BICC1: variants seen among roughly 807,000 people sequenced by gnomAD.
BICC1 encodes the protein protein bicaudal C homolog 1.
A neutral mutation model predicts 111.0 loss-of-function variants in BICC1; 43 were observed. The ratio of observed to expected loss-of-function variants is 0.39; its 90% CI spans 0.30 to 0.50. BICC1 has a LOEUF of 0.50. Ranked by LOEUF, BICC1 falls within the 20% of genes least tolerant of loss-of-function variation. The probability of loss-of-function intolerance (pLI) is 0.88; values close to 1 mark genes in which losing one functional copy is unlikely to be tolerated. For synonymous variants in BICC1, 467 were observed against 434.4 expected, an observed-to-expected ratio of 1.07 and a Z score of -0.93; for missense variants, 1,091 against 1,203.2, an observed-to-expected ratio of 0.91 and a Z score of 1.38.
At chr10:58,677,452 G>A (rs1256079747) in intron 2 of BICC1, among the ~76,000 whole-genome samples, 2 of 152,086 alleles carry the variant, frequency 1.3e-5, no homozygotes, top group Non-Finnish European at 2.9e-5. Context: ...AAAGGATATC[G>A]GAGATGGAAG....
At chr10:58,767,630 C>G (rs1195699388) in intron 3 of BICC1, among the ~76,000 whole-genome samples, 1 of 152,054 alleles carries the variant, frequency 6.6e-6, no homozygotes, top group Non-Finnish European at 1.5e-5. Context: ...AAAATAATTG[C>G]TTTTTAAGGA....
chr10:58,712,889 T>C (rs1369462209), intron 3 of BICC1, among the ~76,000 whole-genome samples: 2 of 152,190 alleles, frequency 1.3e-5, no homozygotes, highest in Non-Finnish European at 2.9e-5. Context: ...ATGGGAATTC[T>C]CTGTACTTTC....
chr10:58,735,358 C>T (rs962220526), intron 3 of BICC1, among the ~76,000 whole-genome samples: 5 of 152,194 alleles, frequency 3.3e-5, no homozygotes, highest in Non-Finnish European at 7.3e-5. Context: ...TCCACTGCGA[C>T]ATGCTGCATG....
At chr10:58,565,905 T>C (rs938178168) in intron 1 of BICC1, among the ~76,000 whole-genome samples, 2 of 152,158 alleles carry the variant, frequency 1.3e-5, no homozygotes, top group Admixed American at 6.5e-5. Flanking sequence ...GAAATGTTGG[T>C]ACACCTTACC....
intron 9 of BICC1, among the ~76,000 whole-genome samples, chr10:58,794,991 A>C (rs1229734903): frequency 6.6e-6 from 1 of 152,188 alleles, no homozygotes; most frequent in East Asian, 1.9e-4. Context: ...TTTTGTGTAT[A>C]TATATGTCTG....
intron 1 of BICC1, among the ~76,000 whole-genome samples, chr10:58,529,328 TA>T (rs1423861479): frequency 6.6e-6 from 1 of 151,886 alleles, no homozygotes; most frequent in African/African-American, 2.4e-5. Context: ...AAAATTTCAA[TA>T]AAAAATACAT....
intron 1 of BICC1, among the ~76,000 whole-genome samples, chr10:58,591,621 A>T (rs1171416507): frequency 1.3e-5 from 2 of 152,186 alleles, no homozygotes; most frequent in African/African-American, 4.8e-5. Flanking sequence ...TCAACATATG[A>T]ATTTTGGGAG....
intron 17 of BICC1, among the ~76,000 whole-genome samples, chr10:58,810,759 C>T (rs1312908814): frequency 6.6e-6 from 1 of 152,116 alleles, no homozygotes; most frequent in Non-Finnish European, 1.5e-5. Flanking sequence ...ATGCTTATGG[C>T]ACTAATATTT....
At chr10:58,536,746 A>G (rs1412648338) in intron 1 of BICC1, among the ~76,000 whole-genome samples, 1 of 151,716 alleles carries the variant, frequency 6.6e-6, no homozygotes, top group African/African-American at 2.4e-5. Flanking sequence ...ACAGTACAAA[A>G]ATCAATGAAA....
At chr10:58,555,103 T>C (rs1222727745) in intron 1 of BICC1, among the ~76,000 whole-genome samples, 2 of 151,882 alleles carry the variant, frequency 1.3e-5, no homozygotes, top group Admixed American at 1.3e-4. Flanking sequence ...AGTAAAACCA[T>C]TTTAGCTGAA....
intron 17 of BICC1, among the ~76,000 whole-genome samples, chr10:58,809,440 A>G (rs1042456299): frequency 1.3e-5 from 2 of 151,900 alleles, no homozygotes; most frequent in Non-Finnish European, 2.9e-5. Context: ...TGGTTTCACC[A>G]TGTCGCCAAG....
At position 58,789,277 on chromosome 10, in the gene BICC1, G is replaced by T; in HGVS notation, c.616G>T (p.Val206Leu). The change falls in exon 7 of 21, where the codon GTG (valine) becomes TTG (leucine). Residue 206 changes from valine (V) to leucine (L), a missense_variant. Physicochemically the swap from Val to Leu is conservative, Grantham distance 32. Coordinates refer to ENST00000373886, the MANE Select transcript of BICC1 (RefSeq NM_001080512.3). ...RVRIRELLPL[V>L]LMFELPIAGI... ...TTCATTTTAGGAGCTGCTTCCTTTG[G>T]TGCTGATGTTTGAGCTACCAATTGC... 6.2e-7 allele frequency: 1 copy of T among 1,613,558 alleles called. No homozygotes were observed. The highest frequency in any genetic ancestry group is 8.5e-7 in the Non-Finnish European group (1 of 1,179,766).
intron 1 of BICC1, among the ~76,000 whole-genome samples, chr10:58,575,212 A>G (rs147879827): frequency 6.6e-6 from 1 of 151,886 alleles, no homozygotes; most frequent in African/African-American, 2.4e-5. Context: ...GCCCCGGTGT[A>G]TGATGTCCCC....
chr10:58,824,210 G>T (rs1844331024), intron 20 of BICC1: 1 of 548,310 alleles, frequency 1.8e-6, no homozygotes, highest in African/African-American at 2.1e-5. Context: ...CATCAAGCAT[G>T]TGAGGTTTCA....
intron 17 of BICC1, among the ~76,000 whole-genome samples, chr10:58,808,937 G>A (rs2893787): frequency 0.76 from 115,651 of 151,742 alleles, 44,234 homozygotes; most frequent in African/African-American, 0.81. Flanking sequence ...CTGGTCTTGA[G>A]CTCCTGACCT....
intron 1 of BICC1, among the ~76,000 whole-genome samples, chr10:58,549,506 A>G (rs1843233139): frequency 6.6e-6 from 1 of 152,122 alleles, no homozygotes. Context: ...GATGTCTAGT[A>G]GTATCTCATC....
chr10:58,658,589 C>T (rs528649229), intron 2 of BICC1, among the ~76,000 whole-genome samples: 8 of 152,146 alleles, frequency 5.3e-5, no homozygotes, highest in South Asian at 2.1e-4. Flanking sequence ...TAATAAAGAG[C>T]GCTCTTTTAT....
intron 3 of BICC1, among the ~76,000 whole-genome samples, chr10:58,753,355 A>T (rs1842044355): frequency 6.6e-6 from 1 of 151,996 alleles, no homozygotes; most frequent in East Asian, 1.9e-4. Context: ...TTTGTTAGAG[A>T]CAGAGTCTCG....
chr10:58,600,686 AG>A (rs1429621383), intron 1 of BICC1, among the ~76,000 whole-genome samples: 20 of 152,084 alleles, frequency 1.3e-4, no homozygotes, highest in African/African-American at 4.8e-4. Context: ...TGAGACCTCA[AG>A]ACCAACTCTC....
Sources: gnomAD v4.1 joint callset for allele counts (sites outside exome capture counted in the v4.1 genomes callset) on GRCh38, gnomAD v4.1.1 for gene constraint, MANE v1.5 for transcripts, NCBI Gene and HGNC (gene_info 2026-07-23, HGNC 2026-07-21) for gene names.